The following HDAC9 variants were observed in gnomAD, a reference collection of about 807,000 sequenced individuals.
The protein encoded by HDAC9 is MEF-2 interacting transcription repressor (MITR) protein.
A neutral mutation model predicts 139.4 loss-of-function variants in HDAC9; 41 were observed. The observed-to-expected ratio is 0.29, with a 90% CI of 0.23 to 0.38. The LOEUF is 0.38. Ranked by LOEUF, HDAC9 falls within the 10% of genes least tolerant of loss-of-function variation. HDAC9 has a pLI of 1.00. For synonymous variants in HDAC9, 517 were observed against 476.2 expected (o/e 1.09, Z -1.12); for missense variants, 1,147 against 1,297.0 (o/e 0.88, Z 1.78).
chr7:18,244,737 G>T lies in HDAC9; in HGVS notation c.25+82388G>T, dbSNP rs577398369. Among the ~76,000 whole-genome samples, 481 of 152,182 alleles carry T rather than the reference G, an allele frequency of 3.2e-3. 4 individuals are homozygous for T. The highest frequency in any genetic ancestry group is 4.6e-3 in the Non-Finnish European group (310 of 68,006). Reference sequence around the variant, plus strand: ...GGCGTGAACCCGGGAGGCGGAGCTTGCAGTGAGCCAAGATCACACCACTGC... The same window carrying T: ...GGCGTGAACCCGGGAGGCGGAGCTTTCAGTGAGCCAAGATCACACCACTGC... On this transcript the variant is annotated intron_variant, in intron 2 of 12. Transcript: ENST00000417496.
chr7:18,507,733 C>T (rs1212273676), intron 2 of HDAC9, among the ~76,000 whole-genome samples: 4 of 152,124 alleles, frequency 2.6e-5, no homozygotes, highest in South Asian at 2.1e-4. Context: ...TCAGGTGATC[C>T]GCCTGCCTTG....
intron 24 of HDAC9, among the ~76,000 whole-genome samples, chr7:18,956,786 G>T (rs1340456484): frequency 6.8e-6 from 1 of 147,732 alleles, no homozygotes; most frequent in Non-Finnish European, 1.5e-5. Context: ...GACAGTGATT[G>T]GTTAAGAAAT....
chr7:18,295,624 T>G (rs1798092567), intron 1 of HDAC9, among the ~76,000 whole-genome samples: 1 of 152,130 alleles, frequency 6.6e-6, no homozygotes, highest in Admixed American at 6.5e-5. Context: ...TAAACTTACT[T>G]CCTTGGAAGT....
intron 2 of HDAC9, among the ~76,000 whole-genome samples, chr7:18,580,460 T>C (rs1827452783): frequency 6.6e-6 from 1 of 152,160 alleles, no homozygotes; most frequent in Non-Finnish European, 1.5e-5. Context: ...ATGAACAATA[T>C]AATATAATAA....
chr7:18,900,851 C>T (rs746514356), intron 22 of HDAC9, among the ~76,000 whole-genome samples: 1 of 152,044 alleles, frequency 6.6e-6, no homozygotes, highest in Non-Finnish European at 1.5e-5. Context: ...GTATAGATAC[C>T]ACTGGATGCC....
At position 18,862,206 on chromosome 7, in the gene HDAC9, G is replaced by T. The variant is rs140070096; in HGVS notation, c.2685-12272G>T. On this transcript the variant is annotated intron_variant, in intron 21 of 25. Transcript: ENST00000686413. ...GCAAATCAGTGGATATGTAGGCAAA[G>T]ATTTTGATCAGCAAGGATGCTGAGC... Among the ~76,000 whole-genome samples, 527 of 152,270 alleles carry T rather than the reference G, an allele frequency of 3.5e-3. 4 individuals are homozygous for T. The highest frequency in any genetic ancestry group is 0.012 in the African/African-American group (480 of 41,560).
rs755711242 is a variant in HDAC9, at chr7:18,641,886, T to C, written c.913-2785T>C. Among the ~76,000 whole-genome samples, 28 of 152,238 alleles carry C rather than the reference T, an allele frequency of 1.8e-4. 1 individual carries two copies. Among genetic ancestry groups the C allele is most frequent in the Admixed American group, 3.3e-4 (5 of 15,290 alleles). ...TGTACTCAATTAGCAGTGTAGACTA[T>C]GGCTCCAGGTCTTATTAAGAGATAA... On this transcript the variant is annotated intron_variant, in intron 8 of 25. Coordinates refer to ENST00000686413, the MANE Select transcript of HDAC9 (RefSeq NM_178425.4).
intron 21 of HDAC9, among the ~76,000 whole-genome samples, chr7:18,844,087 A>G (rs1796757795): frequency 6.6e-6 from 1 of 152,188 alleles, no homozygotes; most frequent in Non-Finnish European, 1.5e-5. Flanking sequence ...GATGGAACTT[A>G]TAAATCAACA....
chr7:18,697,062 T>C (rs1360506570), intron 12 of HDAC9, among the ~76,000 whole-genome samples: 1 of 152,156 alleles, frequency 6.6e-6, no homozygotes, highest in Non-Finnish European at 1.5e-5. Context: ...CAGAGGCAAA[T>C]TCTTAGAGTT....
chr7:18,876,161 T>A (rs1228015828), intron 22 of HDAC9, among the ~76,000 whole-genome samples: 1 of 152,192 alleles, frequency 6.6e-6, no homozygotes, highest in Non-Finnish European at 1.5e-5. Context: ...TTTTGGCCAT[T>A]AGGTATAGGA....
intron 1 of HDAC9, among the ~76,000 whole-genome samples, chr7:18,305,086 C>A (rs1040289135): frequency 1.3e-5 from 2 of 152,184 alleles, no homozygotes; most frequent in African/African-American, 4.8e-5. Flanking sequence ...AAGACCTTCT[C>A]TGACCCACCA....
At chr7:18,963,438 A>C (rs923819945) in intron 24 of HDAC9, among the ~76,000 whole-genome samples, 2 of 152,214 alleles carry the variant, frequency 1.3e-5, no homozygotes, top group Non-Finnish European at 2.9e-5. Context: ...ACTCAAATAC[A>C]TAAATACATA....
At chr7:18,283,446 G>A (rs192582610) in intron 2 of HDAC9, among the ~76,000 whole-genome samples, 2 of 152,158 alleles carry the variant, frequency 1.3e-5, no homozygotes, top group South Asian at 4.1e-4. Flanking sequence ...ATATCAAAGA[G>A]ACTGAGTAAA....
chr7:18,293,688 G>A (rs1797964173), intron 1 of HDAC9, among the ~76,000 whole-genome samples: 1 of 152,000 alleles, frequency 6.6e-6, no homozygotes, highest in Admixed American at 6.6e-5. Context: ...TTCTGTATTT[G>A]TCTGTCATTA....
chr7:18,725,437 C>T (rs1785467815), intron 12 of HDAC9, among the ~76,000 whole-genome samples: 1 of 147,434 alleles, frequency 6.8e-6, no homozygotes, highest in Admixed American at 6.9e-5. Context: ...AAGGAGAGTA[C>T]AAATGACAGG....
intron 22 of HDAC9, among the ~76,000 whole-genome samples, chr7:18,905,988 CTTCT>C (rs1802216802): frequency 6.9e-6 from 1 of 145,496 alleles, no homozygotes; most frequent in Non-Finnish European, 1.5e-5. Context: ...TCCTTCCTTC[CTTCT>C]CTCTCTCTCT....
intron 24 of HDAC9, among the ~76,000 whole-genome samples, chr7:18,973,342 G>C (rs1784364325): frequency 6.6e-6 from 1 of 152,066 alleles, no homozygotes; most frequent in South Asian, 2.1e-4. Context: ...GATGTCATAA[G>C]GCATCACTAG....
intron 22 of HDAC9, among the ~76,000 whole-genome samples, chr7:18,916,760 G>C (rs1050410836): frequency 6.6e-6 from 1 of 151,986 alleles, no homozygotes; most frequent in African/African-American, 2.4e-5. Context: ...CAACCAAAAA[G>C]TGTACATACA....
intron 25 of HDAC9, among the ~76,000 whole-genome samples, chr7:18,989,291 T>TGTAAA (rs1315059195): frequency 6.6e-6 from 1 of 151,482 alleles, no homozygotes; most frequent in African/African-American, 2.4e-5. Context: ...TTTGCTTGTC[T>TGTAAA]GTAAAGTATT....
Sources: allele counts gnomAD v4.1 joint callset (sites outside exome capture counted in the v4.1 genomes callset), GRCh38; gene constraint gnomAD v4.1.1; transcripts MANE v1.5; gene names NCBI Gene and HGNC (gene_info 2026-07-23, HGNC 2026-07-21).